The following NALF1 variants were observed in gnomAD, a reference collection of about 807,000 sequenced individuals.
The protein encoded by NALF1 is family with sequence similarity 155 member A.
Under a neutral mutation model 48.4 loss-of-function variants are expected in NALF1, and 3 were observed. The ratio of observed to expected loss-of-function variants is 0.06; its 90% CI spans 0.03 to 0.16. NALF1 has a LOEUF of 0.16. Ranked by LOEUF, NALF1 falls within the 10% of genes least tolerant of loss-of-function variation. NALF1 has a pLI of 1.00. For missense variants in NALF1, 526 were observed against 571.5 expected (o/e 0.92, Z 0.81); for synonymous variants, 262 against 245.7 (o/e 1.07, Z -0.62).
At chr13:107,280,567 A>T (rs552818567) in intron 1 of NALF1, among the ~76,000 whole-genome samples, 3 of 152,310 alleles carry the variant, frequency 2.0e-5, no homozygotes, top group African/African-American at 7.2e-5. Context: ...AGGTCCCACC[A>T]CACTATAATC....
At chr13:107,188,030 G>A (rs957719362) in intron 2 of NALF1, among the ~76,000 whole-genome samples, 1 of 151,992 alleles carries the variant, frequency 6.6e-6, no homozygotes, top group African/African-American at 2.4e-5. Context: ...AGAGACGGGA[G>A]GTAAAATTTT....
At chr13:107,739,263 C>G (rs1451915681) in intron 1 of NALF1, among the ~76,000 whole-genome samples, 2 of 151,760 alleles carry the variant, frequency 1.3e-5, no homozygotes, top group African/African-American at 4.8e-5. Flanking sequence ...CACCATGGCA[C>G]ATGTATACCT....
chr13:107,805,625 T>C (rs1015324380), intron 1 of NALF1, among the ~76,000 whole-genome samples: 1 of 152,204 alleles, frequency 6.6e-6, no homozygotes, highest in Non-Finnish European at 1.5e-5. Context: ...GGTTTCAAAA[T>C]GTCTAACTTA....
chr13:107,738,239 C>T lies in NALF1; in HGVS notation c.915+127443G>A, dbSNP rs191225830. On this transcript the variant is annotated intron_variant, in intron 1 of 2. Transcript: ENST00000375915. ...ATGTCTTGCCAGAAAAGGAGGTGAC[C>T]GAAAACACTTTCTAGAATGTTCCCC... 2.0e-4 allele frequency among the ~76,000 whole-genome samples: 30 copies of T among 152,176 alleles called. No homozygotes were observed. In the East Asian group the frequency reaches 5.4e-3, roughly 27 times the overall value.
chr13:107,502,786 A>G lies in NALF1; in HGVS notation c.916-292031T>C, dbSNP rs546861193. On this transcript the variant is annotated intron_variant, in intron 1 of 2. Transcript: ENST00000375915. The stretch of plus-strand genomic sequence containing the variant: ...AAAATTTAACCTCCTAAAAGCTTTC[A>G]GGAAATATAGCTGAATTAATTTTGA... Among the ~76,000 whole-genome samples, 215 of 152,350 alleles carry G rather than the reference A, an allele frequency of 1.4e-3. 1 individual carries two copies. Among genetic ancestry groups the G allele is most frequent in the African/African-American group, 5.0e-3 (208 of 41,580 alleles).
chr13:107,679,449 G>A (rs982642921), intron 1 of NALF1, among the ~76,000 whole-genome samples: 2 of 152,106 alleles, frequency 1.3e-5, no homozygotes, highest in African/African-American at 2.4e-5. Context: ...GGGTGAGGGA[G>A]GGGTAGTTAC....
chr13:107,380,838 C>T (rs1189211173), intron 1 of NALF1, among the ~76,000 whole-genome samples: 1 of 151,224 alleles, frequency 6.6e-6, no homozygotes, highest in East Asian at 2.0e-4. Context: ...ATTAGCCGGG[C>T]GTAGTGGCGG....
At chr13:107,463,448 G>A (rs1884951760) in intron 1 of NALF1, among the ~76,000 whole-genome samples, 1 of 152,108 alleles carries the variant, frequency 6.6e-6, no homozygotes, top group Non-Finnish European at 1.5e-5. Flanking sequence ...GGATGTTGCT[G>A]GACCAAATAA....
At chr13:107,721,630 T>C (rs1016949066) in intron 1 of NALF1, among the ~76,000 whole-genome samples, 2 of 152,318 alleles carry the variant, frequency 1.3e-5, no homozygotes, top group African/African-American at 4.8e-5. Flanking sequence ...TTCCCTCTTC[T>C]GGGACCTGCC....
intron 1 of NALF1, among the ~76,000 whole-genome samples, chr13:107,312,237 C>T (rs1882060472): frequency 2.0e-5 from 3 of 152,144 alleles, no homozygotes; most frequent in African/African-American, 7.2e-5. Context: ...GAATACTATG[C>T]AGCCATAAAA....
intron 1 of NALF1, among the ~76,000 whole-genome samples, chr13:107,476,403 T>C (rs1364092295): frequency 6.6e-6 from 1 of 152,164 alleles, no homozygotes; most frequent in African/African-American, 2.4e-5. Flanking sequence ...TATTTTTTTC[T>C]CATGTGTAAT....
intron 1 of NALF1, among the ~76,000 whole-genome samples, chr13:107,692,906 T>G (rs943454652): frequency 6.6e-6 from 1 of 152,154 alleles, no homozygotes; most frequent in African/African-American, 2.4e-5. Flanking sequence ...AATAACAGTA[T>G]ACTTGGGTTG....
chr13:107,553,656 A>T (rs1877366961), intron 1 of NALF1, among the ~76,000 whole-genome samples: 2 of 152,206 alleles, frequency 1.3e-5, no homozygotes. Context: ...TTCATTTGGC[A>T]TTTAAATTAA....
At chr13:107,286,966 C>CA (rs375727700) in intron 1 of NALF1, among the ~76,000 whole-genome samples, 32 of 152,266 alleles carry the variant, frequency 2.1e-4, no homozygotes, top group Admixed American at 3.9e-4. Context: ...TTGGACTAGA[C>CA]AGAGCTTGTG....
At chr13:107,589,576 A>G (rs1397432876) in intron 1 of NALF1, among the ~76,000 whole-genome samples, 2 of 152,036 alleles carry the variant, frequency 1.3e-5, no homozygotes, top group African/African-American at 2.4e-5. Context: ...TGTGCATTAA[A>G]GAATAGCTGG....
rs543957044 is a variant in NALF1 at position 107,524,956 on chromosome 13, G to A, written c.916-314201C>T. On this transcript the variant is annotated intron_variant, in intron 1 of 2. Coordinates refer to ENST00000375915, the MANE Select transcript of NALF1 (RefSeq NM_001080396.3). Reference sequence around the variant, plus strand: ...GAACTTGTTCTCAGAGAGAGAGAGAGAAAAAAAAATATCCCAGGAGACATA... The same window carrying A: ...GAACTTGTTCTCAGAGAGAGAGAGAAAAAAAAAAATATCCCAGGAGACATA... 3.9e-4 allele frequency among the ~76,000 whole-genome samples: 58 copies of A among 147,078 alleles called. 1 individual carries two copies. The highest frequency in any genetic ancestry group is 1.2e-3 in the Admixed American group (18 of 14,896).
intron 1 of NALF1, among the ~76,000 whole-genome samples, chr13:107,590,691 T>C (rs1275004738): frequency 1.3e-5 from 2 of 152,008 alleles, no homozygotes; most frequent in East Asian, 3.9e-4. Context: ...TGTGTGAATT[T>C]CTCTAAGCTG....
At chr13:107,630,433 G>A (rs563649284) in intron 1 of NALF1, among the ~76,000 whole-genome samples, 21 of 152,070 alleles carry the variant, frequency 1.4e-4, no homozygotes, top group East Asian at 5.8e-4. Flanking sequence ...ATCACCCCCC[G>A]TCCAGCAAAT....
chr13:107,276,978 A>T (rs545098681), intron 1 of NALF1, among the ~76,000 whole-genome samples: 7 of 152,254 alleles, frequency 4.6e-5, no homozygotes, highest in Admixed American at 3.3e-4. Context: ...TCCCAAAAAC[A>T]CTTCCAAATT....
Sources: gnomAD v4.1 joint callset for allele counts (sites outside exome capture counted in the v4.1 genomes callset) on GRCh38, gnomAD v4.1.1 for gene constraint, MANE v1.5 for transcripts, NCBI Gene and HGNC (gene_info 2026-07-23, HGNC 2026-07-21) for gene names.